ART3: variants seen among roughly 807,000 people sequenced by gnomAD.
The protein encoded by ART3 is ADP-ribosyltransferase 3 (inactive).
In ART3, 49 loss-of-function variants were observed where a neutral mutation model predicts 48.5. The ratio of observed to expected loss-of-function variants is 1.01; its 90% confidence interval spans 0.80 to 1.28. The LOEUF (loss-of-function observed/expected upper bound fraction) is 1.28. Among genes scored for constraint, ART3 ranks in the 50% most tolerant of loss-of-function variants. The probability of loss-of-function intolerance (pLI) is 0.00; values close to 1 mark genes in which losing one functional copy is unlikely to be tolerated. For missense variants in ART3, 438 were observed against 454.3 expected (o/e 0.96, Z 0.33); for synonymous variants, 145 against 157.2 (o/e 0.92, Z 0.58).
At chr4:76,042,843 G>A (rs1394855628) in intron 1 of ART3, among the ~76,000 whole-genome samples, 1 of 151,878 alleles carries the variant, frequency 6.6e-6, no homozygotes, top group Non-Finnish European at 1.5e-5. Flanking sequence ...TGAGCGGGTT[G>A]CCACTGCTGG....
At chr4:76,085,654 G>A (rs1723390036) in intron 3 of ART3, among the ~76,000 whole-genome samples, 1 of 152,204 alleles carries the variant, frequency 6.6e-6, no homozygotes, top group South Asian at 2.1e-4. Context: ...CAAAAGACGA[G>A]ATGAGAAATG....
At chr4:76,103,907 A>G in intron 8 of ART3, 30 bp from the exon 9 acceptor site, 1 of 1,606,540 alleles carries the variant, frequency 6.2e-7, no homozygotes, top group Non-Finnish European at 8.5e-7. Flanking sequence ...TAACTGATTA[A>G]TACAAACCAA....
At chr4:76,098,688 A>T (rs1029889864) in intron 4 of ART3, among the ~76,000 whole-genome samples, 1 of 152,128 alleles carries the variant, frequency 6.6e-6, no homozygotes, top group African/African-American at 2.4e-5. Flanking sequence ...GAAACCCGGG[A>T]GGCAGAGGTT....
chr4:76,105,728 C>T, intron 10 of ART3: 1 of 985,424 alleles, frequency 1.0e-6, no homozygotes, highest in Non-Finnish European at 1.2e-6. Context: ...TCAGTGTGAG[C>T]AGCAGGCTGC....
chr4:76,054,092 ATAG>A (rs1300319314), intron 1 of ART3, among the ~76,000 whole-genome samples: 1 of 152,252 alleles, frequency 6.6e-6, no homozygotes, highest in African/African-American at 2.4e-5. Flanking sequence ...GAAGGGAGAA[ATAG>A]TAGCTTCACT....
intron 1 of ART3, among the ~76,000 whole-genome samples, chr4:76,025,815 G>T (rs1271401636): frequency 6.6e-6 from 1 of 151,940 alleles, no homozygotes; most frequent in Non-Finnish European, 1.5e-5. Flanking sequence ...CCTTGACTGT[G>T]TTCAGATTTT....
At chr4:76,109,544 C>T (rs556055103) in intron 11 of ART3, among the ~76,000 whole-genome samples, 9 of 152,128 alleles carry the variant, frequency 5.9e-5, no homozygotes, top group Non-Finnish European at 1.0e-4. Context: ...AAAACAGTAA[C>T]ATAGTTGTTT....
intron 1 of ART3, among the ~76,000 whole-genome samples, chr4:76,052,651 T>C (rs555601647): frequency 6.6e-6 from 1 of 152,140 alleles, no homozygotes; most frequent in Admixed American, 6.5e-5. Context: ...TCTATGTCTA[T>C]GTGTACACAT....
At chr4:76,069,362 T>C (rs1720071903) in intron 1 of ART3, among the ~76,000 whole-genome samples, 1 of 151,366 alleles carries the variant, frequency 6.6e-6, no homozygotes, top group Non-Finnish European at 1.5e-5. Flanking sequence ...GGACATTTCA[T>C]GTAAATGTAT....
chr4:76,038,471 T>G (rs4129780), intron 1 of ART3, among the ~76,000 whole-genome samples: 19,659 of 152,230 alleles, frequency 0.13, 1,673 homozygotes, highest in East Asian at 0.38. Context: ...AGCTGGAATA[T>G]TCTTTCCTTC....
chr4:76,033,534 G>A (rs1036254481), intron 1 of ART3: 3 of 152,038 alleles, frequency 2.0e-5, no homozygotes, highest in African/African-American at 7.3e-5. Context: ...GACCCCCCAA[G>A]GCCGACAAAA....
intron 1 of ART3, chr4:76,036,001 TG>T (rs752489277): frequency 1.6e-5 from 26 of 1,613,290 alleles, no homozygotes; most frequent in Admixed American, 6.7e-5. Context: ...TGTTTTTTGC[TG>T]TTGCTGCTGG....
chr4:76,087,280 C>T (rs1363534119), intron 3 of ART3, among the ~76,000 whole-genome samples: 1 of 152,122 alleles, frequency 6.6e-6, no homozygotes, highest in Non-Finnish European at 1.5e-5. Context: ...ATTGTGGAGG[C>T]GCACGTGTAC....
intron 1 of ART3, among the ~76,000 whole-genome samples, chr4:76,030,608 A>G (rs1733790241): frequency 6.6e-6 from 1 of 152,174 alleles, no homozygotes; most frequent in Admixed American, 6.5e-5. Context: ...ATCACCCAGA[A>G]ACTCCATACT....
At chr4:76,055,597 G>C (rs928248574) in intron 1 of ART3, among the ~76,000 whole-genome samples, 1 of 152,156 alleles carries the variant, frequency 6.6e-6, no homozygotes, top group African/African-American at 2.4e-5. Context: ...GTAATTCCCA[G>C]ACCCAAGCCT....
At chr4:76,074,260 A>T (rs1479759793), upstream of ART3, among the ~76,000 whole-genome samples, 1 of 152,042 alleles carries the variant, frequency 6.6e-6, no homozygotes, top group Non-Finnish European at 1.5e-5. Context: ...TTAGATTTTG[A>T]GTGCTTTTTA....
chr4:76,082,382 G>A lies in ART3; in HGVS notation c.628G>A (p.Asp210Asn). The A allele has an allele frequency of 6.2e-7, 1 of 1,614,162 alleles. No individual in the cohort carries two copies. The change falls in exon 3 of 12, where the codon GAC becomes AAC. Residue 210 changes from aspartate (D) to asparagine (N), a missense_variant. Coordinates refer to ENST00000355810, the MANE Select transcript of ART3 (RefSeq NM_001130016.3). ...VLSIYTCLGVDIENFLDKESE... is the reference protein window; with the variant it reads ...VLSIYTCLGVNIENFLDKESE... ...ATCCATCTACACATGCCTTGGAGTTGACATTGAAAATTTTCTTGATAAAGA... is the reference window on the plus strand; with the variant it reads ...ATCCATCTACACATGCCTTGGAGTTAACATTGAAAATTTTCTTGATAAAGA...
chr4:76,101,161 ACT>A, intron 8 of ART3, 142 bp downstream of exon 8: 1 of 927,418 alleles, frequency 1.1e-6, no homozygotes. Flanking sequence ...TATATTAGAG[ACT>A]CTCCTGGGTT....
intron 1 of ART3, among the ~76,000 whole-genome samples, chr4:76,031,726 T>C (rs11097212): frequency 0.61 from 92,994 of 152,076 alleles, 29,510 homozygotes; most frequent in East Asian, 0.94. Context: ...TTTCCCTTAG[T>C]TTATATTGCC....
Sources: gnomAD v4.1 joint callset for allele counts (sites outside exome capture counted in the v4.1 genomes callset) on GRCh38, gnomAD v4.1.1 for gene constraint, MANE v1.5 for transcripts, NCBI Gene and HGNC (gene_info 2026-07-23, HGNC 2026-07-21) for gene names.